The following KLHL29 variants were observed in gnomAD, a reference collection of about 807,000 sequenced individuals.
KLHL29 encodes the protein kelch-like protein 29.
KLHL29 carries 21 observed loss-of-function variants against 80.4 expected under a neutral mutation model. The ratio of observed to expected loss-of-function variants is 0.26; its 90% CI spans 0.19 to 0.38. The LOEUF is 0.38. KLHL29 is among the 10% of genes least tolerant of loss of function. KLHL29 has a pLI of 1.00. For synonymous variants in KLHL29, 511 were observed against 526.8 expected, an observed-to-expected ratio of 0.97 and a Z score of 0.41; for missense variants, 867 against 1,223.9, an observed-to-expected ratio of 0.71 and a Z score of 4.35.
chr2:23,551,390 A>G (rs554138464), intron 2 of KLHL29, among the ~76,000 whole-genome samples: 1 of 152,170 alleles, frequency 6.6e-6, no homozygotes, highest in Non-Finnish European at 1.5e-5. Flanking sequence ...AGATTTTCTC[A>G]AAGCAAAGGT....
At chr2:23,553,839 G>A (rs1276652626) in intron 2 of KLHL29, among the ~76,000 whole-genome samples, 6 of 152,228 alleles carry the variant, frequency 3.9e-5, no homozygotes, top group Non-Finnish European at 7.3e-5. Context: ...TGGAGGAAAC[G>A]AAGGGGGAAA....
At chr2:23,522,254 A>T (rs1441244957) in intron 2 of KLHL29, among the ~76,000 whole-genome samples, 1 of 151,958 alleles carries the variant, frequency 6.6e-6, no homozygotes, top group African/African-American at 2.4e-5. Context: ...AGGTTCAAGC[A>T]ATTCTCCCAC....
Position 23,459,293 on chromosome 2 carries a change from T to C in KLHL29, c.-153-16267T>C, listed in dbSNP as rs563886765. Among the ~76,000 whole-genome samples the C allele has an allele frequency of 5.3e-5, 8 of 152,094 alleles. No individual in the cohort carries two copies. The South Asian group carries it at 1.5e-3, about 28-fold the overall frequency. Reference sequence around the variant, plus strand: ...TGCCTTTGAAACATCACATTAAAGGTGTCAGATAAGTAGGTGAGATGTACA... The same window carrying C: ...TGCCTTTGAAACATCACATTAAAGGCGTCAGATAAGTAGGTGAGATGTACA... On this transcript the variant is annotated intron_variant, in intron 1 of 13. Coordinates refer to ENST00000486442, the MANE Select transcript of KLHL29 (RefSeq NM_052920.2).
Position 23,691,698 on chromosome 2 carries a change from C to T in KLHL29, c.1104C>T (p.Gly368=), listed in dbSNP as rs375475961. Residue 368 remains glycine, a synonymous_variant, in exon 7 of 14, where the codon GGC becomes GGT. Coordinates refer to ENST00000486442, the MANE Select transcript of KLHL29 (RefSeq NM_052920.2). ...GGTCCGTGCAAGACAGCGGCCAGGG[C>T]GGCCGGGAGAAGCTGGAGCTCGTCC... ...IQRSVQDSGQ[G]GREKLELVLS... 208 of 1,551,604 alleles carry T rather than the reference C, an allele frequency of 1.3e-4. No homozygotes were observed. Among genetic ancestry groups the T allele is most frequent in the Non-Finnish European group, 1.7e-4 (199 of 1,146,998 alleles).
chr2:23,489,498 G>A (rs575223145), intron 2 of KLHL29, among the ~76,000 whole-genome samples: 3 of 152,124 alleles, frequency 2.0e-5, no homozygotes, highest in Non-Finnish European at 4.4e-5. Context: ...GTCCCCAGCT[G>A]CCTCCGAAAG....
chr2:23,618,881 A>T (rs986165624), intron 3 of KLHL29, among the ~76,000 whole-genome samples: 2 of 152,176 alleles, frequency 1.3e-5, no homozygotes, highest in Middle Eastern at 3.2e-3. Flanking sequence ...AAGTATTTGG[A>T]AGGAAGCCAG....
chr2:23,563,321 C>A (rs1709311), intron 3 of KLHL29, among the ~76,000 whole-genome samples: 126,521 of 152,254 alleles, frequency 0.83, 52,920 homozygotes, highest in East Asian at 1. Flanking sequence ...TCCTGGAGGG[C>A]CGGGCCCCTG....
At chr2:23,549,048 C>T (rs1175359445) in intron 2 of KLHL29, among the ~76,000 whole-genome samples, 2 of 152,188 alleles carry the variant, frequency 1.3e-5, no homozygotes, top group Non-Finnish European at 2.9e-5. Context: ...CTTCAGAGAC[C>T]TGGGAGTTAG....
At chr2:23,504,958 A>G (rs2103457480) in intron 2 of KLHL29, among the ~76,000 whole-genome samples, 1 of 152,308 alleles carries the variant, frequency 6.6e-6, no homozygotes, top group South Asian at 2.1e-4. Flanking sequence ...GCAGGCACTG[A>G]GCAGCTTTGA....
rs920972567 is a variant in KLHL29, at chr2:23,695,050, T to G, written c.1543-573T>G. On this transcript the variant is annotated intron_variant, in intron 8 of 13. Coordinates refer to ENST00000486442, the MANE Select transcript of KLHL29 (RefSeq NM_052920.2). This position sits in a 1 kb window ranked among gnomAD's most constrained non-coding sequence, Gnocchi z 7.6. ...GAGCAGAGTTTGTTAGGAGGGGAGA[T>G]TCAAGGGAGCCTGTAAAACCACCTC... Among the ~76,000 whole-genome samples, 1 of 151,932 alleles carries G rather than the reference T, an allele frequency of 6.6e-6. No homozygotes were observed. The highest frequency in any genetic ancestry group is 1.5e-5 in the Non-Finnish European group (1 of 67,998).
intron 5 of KLHL29, among the ~76,000 whole-genome samples, chr2:23,650,057 G>A (rs907581177): frequency 6.6e-6 from 1 of 152,248 alleles, no homozygotes; most frequent in Admixed American, 6.5e-5. Context: ...AAAAGAAACA[G>A]GCAGGGTGCC....
At chr2:23,618,658 T>C (rs1669084918) in intron 3 of KLHL29, among the ~76,000 whole-genome samples, 1 of 152,232 alleles carries the variant, frequency 6.6e-6, no homozygotes, top group Non-Finnish European at 1.5e-5. Flanking sequence ...GCGGGACTTC[T>C]CGGCCTCCAT....
At position 23,599,174 on chromosome 2, in the gene KLHL29, C is replaced by T. The variant is rs533010117; in HGVS notation, c.285+36693C>T. Among the ~76,000 whole-genome samples, 3 of 152,332 alleles carry T rather than the reference C, an allele frequency of 2.0e-5. No homozygotes were observed. The South Asian group carries it at 6.2e-4, about 32-fold the overall frequency. On this transcript the variant is annotated intron_variant, in intron 3 of 13. Coordinates refer to ENST00000486442, the MANE Select transcript of KLHL29 (RefSeq NM_052920.2). Reference sequence around the variant, plus strand: ...GTCCCGCAGAATCATCTGAAGCCTGCGGCAAGGACTCTGGGCTGAGCTCCA... The same window carrying T: ...GTCCCGCAGAATCATCTGAAGCCTGTGGCAAGGACTCTGGGCTGAGCTCCA...
intron 5 of KLHL29, among the ~76,000 whole-genome samples, chr2:23,670,844 GGT>G (rs1490320729): frequency 1.3e-5 from 2 of 148,526 alleles, no homozygotes; most frequent in Admixed American, 1.4e-4. Flanking sequence ...GTTCTTCCAG[GGT>G]CTTCCTCCTG....
At chr2:23,693,055 C>T (rs977737377) in intron 7 of KLHL29, among the ~76,000 whole-genome samples, 1 of 152,110 alleles carries the variant, frequency 6.6e-6, no homozygotes, top group African/African-American at 2.4e-5. Flanking sequence ...GAGGGAGGCC[C>T]CTGGGAGTCA....
intron 5 of KLHL29, chr2:23,668,276 T>C (rs1670608759): frequency 6.6e-6 from 1 of 152,290 alleles, no homozygotes; most frequent in South Asian, 2.1e-4. Flanking sequence ...CAATCACTCA[T>C]TCAGACCTTA....
At chr2:23,497,382 C>T (rs1008793766) in intron 2 of KLHL29, among the ~76,000 whole-genome samples, 4 of 152,186 alleles carry the variant, frequency 2.6e-5, no homozygotes, top group Non-Finnish European at 1.5e-5. Flanking sequence ...GGCAGTCACT[C>T]AGCCCCTCCC....
At chr2:23,454,529 A>G (rs1466619296) in intron 1 of KLHL29, among the ~76,000 whole-genome samples, 2 of 152,182 alleles carry the variant, frequency 1.3e-5, no homozygotes, top group African/African-American at 4.8e-5. Flanking sequence ...GTTTTTGTAT[A>G]ACTTTGATAT....
chr2:23,652,086 G>C (rs545061033), intron 5 of KLHL29, among the ~76,000 whole-genome samples: 1 of 152,288 alleles, frequency 6.6e-6, no homozygotes, highest in African/African-American at 2.4e-5. Context: ...CCCCTCACAA[G>C]GCACAGTTCC....
Sources: allele counts gnomAD v4.1 joint callset (sites outside exome capture counted in the v4.1 genomes callset), GRCh38; gene constraint gnomAD v4.1.1; non-coding constraint Gnocchi (gnomAD v3.1); transcripts MANE v1.5; gene names NCBI Gene and HGNC (gene_info 2026-07-23, HGNC 2026-07-21).